NLRP5: variants seen among roughly 807,000 people sequenced by gnomAD.
The protein encoded by NLRP5 is NACHT, LRR and PYD domains-containing protein 5.
In NLRP5, 93 loss-of-function variants were observed where a neutral mutation model predicts 113.1. That is an observed-to-expected ratio of 0.82 (90% CI 0.70 to 0.98). The LOEUF is 0.98. Ranked by LOEUF, NLRP5 falls within the 50% of genes least tolerant of loss-of-function variation. NLRP5 has a pLI of 0.00. For missense variants in NLRP5, 1,808 were observed against 1,514.3 expected (o/e 1.19, Z -3.22); for synonymous variants, 751 against 600.7 (o/e 1.25, Z -3.66).
rs1190046698 is a variant in NLRP5, at chr19:56,010,543, G to A, written c.508+1690G>A. ...GTGGATCACCTGAGGTCGGGAGTTC[G>A]AGACCAGTCTGACCAACATGGAGAC... On this transcript the variant is annotated intron_variant, in intron 3 of 14. Transcript: ENST00000390649. 4.0e-5 allele frequency among the ~76,000 whole-genome samples: 6 copies of A among 151,234 alleles called. No individual in the cohort carries two copies. In the East Asian group the frequency reaches 5.9e-4, roughly 15 times the overall value.
At chr19:56,003,590 T>C in intron 1 of NLRP5, 146 bp from the exon 2 acceptor site, 1 of 935,236 alleles carries the variant, frequency 1.1e-6, no homozygotes, top group Non-Finnish European at 1.6e-6. Context: ...AGTAATAGGA[T>C]AAACAGATAT....
chr19:56,039,467 G>A (rs1408356050), intron 10 of NLRP5, among the ~76,000 whole-genome samples: 1 of 152,186 alleles, frequency 6.6e-6, no homozygotes, highest in African/African-American at 2.4e-5. Flanking sequence ...CTCAGAGGGT[G>A]ACATCTGAGC....
upstream of NLRP5, among the ~76,000 whole-genome samples, chr19:55,999,206 CTTTTTCTTTTT>C (rs1981509609): frequency 8.2e-6 from 1 of 121,384 alleles, no homozygotes. Context: ...CTTTTTTTTT[CTTTTTCTTTTT>C]TTTTTTTTTT....
chr19:56,010,946 G>A (rs891336024), intron 3 of NLRP5, among the ~76,000 whole-genome samples: 3 of 151,900 alleles, frequency 2.0e-5, no homozygotes, highest in Non-Finnish European at 4.4e-5. Context: ...GAACCCAGGA[G>A]TTCGAGACCA....
intron 13 of NLRP5, among the ~76,000 whole-genome samples, chr19:56,054,471 T>TCACTTGAAC (rs1440009367): frequency 6.7e-6 from 1 of 149,862 alleles, no homozygotes; most frequent in Non-Finnish European, 1.5e-5. Flanking sequence ...GGCAGGAGAA[T>TCACTTGAAC]CACTTGAACC....
At chr19:56,008,114 G>A (rs532682292) in intron 2 of NLRP5, among the ~76,000 whole-genome samples, 66 of 149,018 alleles carry the variant, frequency 4.4e-4, no homozygotes, top group African/African-American at 1.5e-3. Flanking sequence ...ATTTTTAGTA[G>A]AGACGGGGTT....
At chr19:55,988,054 G>C in the NLRP5 span, 2 of 651,480 alleles carry the variant, frequency 3.1e-6, no homozygotes, top group Non-Finnish European at 5.5e-6. Context: ...CAGAACCTCA[G>C]CTTTGAACCC....
At chr19:55,999,405 G>A (rs1369670345), upstream of NLRP5, among the ~76,000 whole-genome samples, 1 of 151,804 alleles carries the variant, frequency 6.6e-6, no homozygotes, top group South Asian at 2.1e-4. Context: ...TAGTAGAAAT[G>A]GGGTTTCACC....
rs551548760 is a variant in NLRP5 at position 56,052,889 on chromosome 19, T to A, written c.3129-749T>A. 3.9e-5 allele frequency among the ~76,000 whole-genome samples: 6 copies of A among 152,340 alleles called. No individual in the cohort carries two copies. In the East Asian group the frequency reaches 1.2e-3, roughly 29 times the overall value. On this transcript the variant is annotated intron_variant, in intron 12 of 14. Coordinates refer to ENST00000390649, the MANE Select transcript of NLRP5 (RefSeq NM_153447.4). ...TTCTCCTCCTCCCCCGTGGAGAATC[T>A]TGACCTCATCTCCAAGTGGAAGCAA...
chr19:56,023,635 T>A (rs1463410880), intron 6 of NLRP5, among the ~76,000 whole-genome samples: 1 of 152,062 alleles, frequency 6.6e-6, no homozygotes, highest in East Asian at 1.9e-4. Flanking sequence ...AATGAAGCAA[T>A]GTGTAGACAT....
chr19:56,006,594 T>C (rs1490243504), intron 2 of NLRP5, among the ~76,000 whole-genome samples: 1 of 151,728 alleles, frequency 6.6e-6, no homozygotes, highest in African/African-American at 2.4e-5. Flanking sequence ...TAGCCAGGCA[T>C]GGTGGCACAC....
chr19:56,055,712 A>AT (rs1280623037), intron 13 of NLRP5, among the ~76,000 whole-genome samples: 7 of 150,756 alleles, frequency 4.6e-5, no homozygotes, highest in East Asian at 2.0e-4. Context: ...CGCCCGGCTA[A>AT]TTTTTTGTAT....
upstream of NLRP5, among the ~76,000 whole-genome samples, chr19:55,997,531 C>G (rs1981362159): frequency 6.6e-6 from 1 of 151,648 alleles, no homozygotes; most frequent in African/African-American, 2.4e-5. Flanking sequence ...GGTATAAGTT[C>G]TGTAAAAGTT....
intron 11 of NLRP5, among the ~76,000 whole-genome samples, chr19:56,045,237 G>A (rs1024839061): frequency 6.6e-6 from 1 of 152,086 alleles, no homozygotes; most frequent in Non-Finnish European, 1.5e-5. Context: ...TTCCAGTACT[G>A]TGTTGAAGAG....
chr19:56,055,533 CTGTCTTTT>C (rs1207116566), intron 13 of NLRP5, among the ~76,000 whole-genome samples: 21 of 99,550 alleles, frequency 2.1e-4, no homozygotes, highest in South Asian at 1.3e-3. Context: ...TTTTCTTTCT[CTGTCTTTT>C]TTTTTTTTTT....
rs569654761 is a variant in NLRP5 at position 56,002,498 on chromosome 19, G to A, written c.63-1218G>A. 2.2e-3 allele frequency among the ~76,000 whole-genome samples: 338 copies of A among 151,450 alleles called. 2 individuals carry two copies. The highest frequency in any genetic ancestry group is 1.6e-3 in the Non-Finnish European group (111 of 67,912). ...TTATTATTATACTTTAAGTTTTAGG[G>A]TACATATGCACAACGTGCAGGTTTG... On this transcript the variant is annotated intron_variant, in intron 1 of 14. Transcript: ENST00000390649.
chr19:56,026,870 C>T (rs373907471), intron 6 of NLRP5, 43 bp from the exon 7 acceptor site: 17 of 1,525,618 alleles, frequency 1.1e-5, no homozygotes, highest in African/African-American at 2.7e-5. Context: ...GCCACTGTGC[C>T]TGGTCTGTTT....
chr19:56,003,788 C>T lies in NLRP5; in HGVS notation c.135C>T (p.Ser45=), dbSNP rs2123267091. 6.2e-7 allele frequency: 1 copy of T among 1,613,948 alleles called. No homozygotes were observed. Among genetic ancestry groups the T allele is most frequent in the Non-Finnish European group, 8.5e-7 (1 of 1,179,874 alleles). The change falls in exon 2 of 15, where the codon AGC becomes AGT. Residue 45 remains serine (S), a synonymous_variant. Transcript: ENST00000390649. Reference sequence around the variant, plus strand: ...ATCCACTTTTCCCCCAAAACCTGAGCTCTCAGCCTTGTATCAAGATGGAAG... The same window carrying T: ...ATCCACTTTTCCCCCAAAACCTGAGTTCTCAGCCTTGTATCAAGATGGAAG...
chr19:55,997,584 C>A (rs532558922), upstream of NLRP5, among the ~76,000 whole-genome samples: 17 of 152,270 alleles, frequency 1.1e-4, no homozygotes, highest in Non-Finnish European at 2.1e-4. Flanking sequence ...GTAATCCCAG[C>A]ACTCTGGGAA....
Sources: allele counts gnomAD v4.1 joint callset (sites outside exome capture counted in the v4.1 genomes callset), GRCh38; gene constraint gnomAD v4.1.1; transcripts MANE v1.5; gene names NCBI Gene and HGNC (gene_info 2026-07-23, HGNC 2026-07-21).